Variants in CUZD1 observed in about 807,000 individuals in gnomAD.
CUZD1 encodes the protein CUB and zona pellucida like domains 1.
CUZD1 carries 42 observed loss-of-function variants against 53.1 expected under a neutral mutation model. The observed-to-expected ratio is 0.79, with a 90% CI of 0.62 to 1.02. The LOEUF (loss-of-function observed/expected upper bound fraction) is 1.02, where lower values mean the gene tolerates loss of function less well. Ranked by LOEUF, CUZD1 falls within the 50% of genes least tolerant of loss-of-function variation. The pLI, the probability that CUZD1 is intolerant of heterozygous loss-of-function variation, is 0.00. For missense variants in CUZD1, 670 were observed against 715.7 expected, an observed-to-expected ratio of 0.94 and a Z score of 0.73; for synonymous variants, 238 against 257.2, an observed-to-expected ratio of 0.93 and a Z score of 0.71.
At chr10:122,843,154 T>C (rs12219150) in intron 1 of CUZD1, among the ~76,000 whole-genome samples, 6 of 152,222 alleles carry the variant, frequency 3.9e-5, no homozygotes, top group Admixed American at 1.3e-4. Flanking sequence ...TAAAAACTTG[T>C]ATACTATATT....
intron 6 of CUZD1, 36 bp downstream of exon 6, chr10:122,836,142 A>T (rs145462190): frequency 5.1e-6 from 8 of 1,565,686 alleles, no homozygotes; most frequent in Non-Finnish European, 6.9e-6. Flanking sequence ...TGCACTCAGC[A>T]TTTGACAAAA....
intron 6 of CUZD1, 101 bp from the exon 7 acceptor site, chr10:122,835,198 A>G (rs1847230007): frequency 1.2e-6 from 1 of 857,154 alleles, no homozygotes; most frequent in Admixed American, 2.7e-5. Context: ...AATTTTCTTA[A>G]ATCACGAGGT....
intron 6 of CUZD1, among the ~76,000 whole-genome samples, chr10:122,835,803 A>G (rs571924549): frequency 6.6e-6 from 1 of 152,292 alleles, no homozygotes; most frequent in African/African-American, 2.4e-5. Flanking sequence ...CTTTAAAAGG[A>G]AAAGAAGAAG....
At position 122,836,358 on chromosome 10, in the gene CUZD1, G is replaced by GAAAA; in HGVS notation, c.818-12_818-9dup. On this transcript the variant is annotated splice_polypyrimidine_tract_variant and intron_variant, in intron 5 of 8. Transcript: ENST00000392790. ...AAGAGCAAGTTAAAGATGCTGTCAGGAAAAAAAAAAAAAAAAGAATGGTCA... is the reference window on the plus strand; with the variant it reads ...AAGAGCAAGTTAAAGATGCTGTCAGGAAAAAAAAAAAAAAAAAAAAGAATGGTCA... 1 of 1,208,630 alleles carries GAAAA rather than the reference G, an allele frequency of 8.3e-7. No homozygotes were observed. Among genetic ancestry groups the GAAAA allele is most frequent in the Non-Finnish European group, 1.1e-6 (1 of 919,680 alleles). The allele number at this position is 1,208,630 out of a possible 1,614,324, so 74.9% of individuals were successfully genotyped here. A position where few individuals can be genotyped will look rare whatever the true frequency, so the allele number is the denominator to read the frequency against.
At position 122,834,902 on chromosome 10, in the gene CUZD1, T is replaced by C; in HGVS notation, c.1186A>G (p.Ser396Gly). ...SQNALGKYNT[S>G]MALFESNSFE... Reference sequence around the variant, plus strand: ...GAATTGGATTCAAAAAGAGCCATGCTGGTGTTATATTTGCCCAGTGCATTT... The same window carrying C: ...GAATTGGATTCAAAAAGAGCCATGCCGGTGTTATATTTGCCCAGTGCATTT... The change falls in exon 7 of 9, where the codon AGC becomes GGC. Residue 396 changes from serine (S) to glycine (G), a missense_variant. Coordinates refer to ENST00000392790, the MANE Select transcript of CUZD1 (RefSeq NM_022034.6). The C allele has an allele frequency of 1.9e-6, 3 of 1,613,714 alleles. No homozygotes were observed. The highest frequency in any genetic ancestry group is 2.5e-6 in the Non-Finnish European group (3 of 1,179,694).
chr10:122,839,369 T>C (rs1031403528), intron 2 of CUZD1, 138 bp from the exon 3 acceptor site: 1 of 685,110 alleles, frequency 1.5e-6, no homozygotes, highest in Non-Finnish European at 2.5e-6. Context: ...CCAAGACCAA[T>C]CACCAACCCC....
intron 3 of CUZD1, 165 bp from the exon 4 acceptor site, chr10:122,837,719 T>C: frequency 1.6e-6 from 1 of 606,410 alleles, no homozygotes; most frequent in Non-Finnish European, 2.7e-6. Context: ...TCATTGAAAT[T>C]TCTGTCCACT....
chr10:122,839,005 A>C lies in CUZD1; in HGVS notation c.448+12T>G. The C allele has an allele frequency of 6.3e-7, 1 of 1,597,558 alleles. No individual in the cohort carries two copies. The highest frequency in any genetic ancestry group is 1.1e-5 in the South Asian group (1 of 90,648). ...GGAGATGTGGGTGAAGGTTGTGTAA[A>C]TGAGGACTTACAGATGTTAGGAGAG... is the stretch of plus-strand genomic sequence containing the variant. On this transcript the variant is annotated intron_variant, in intron 3 of 8. Transcript: ENST00000392790.
chr10:122,842,879 C>T (rs1394269261), intron 1 of CUZD1, among the ~76,000 whole-genome samples: 1 of 152,124 alleles, frequency 6.6e-6, no homozygotes, highest in African/African-American at 2.4e-5. Flanking sequence ...CATCATTAGT[C>T]ATCAGGGAAA....
At position 122,834,823 on chromosome 10, in the gene CUZD1, A is replaced by C; in HGVS notation, c.1265T>G (p.Leu422Arg). The C allele has an allele frequency of 2.5e-6, 4 of 1,613,886 alleles. No individual in the cohort carries two copies. The highest frequency in any genetic ancestry group is 1.3e-5 in the African/African-American group (1 of 75,040). The part of the protein sequence containing the change: ...SPYYVDLNQT[L>R]FVQVSLHTSD... The stretch of plus-strand genomic sequence containing the variant: ...GGTGTGCAGACTAACTTGAACAAAA[A>C]GAGTTTGGTTCAAATCCACATAATA... The change falls in exon 7 of 9, where the codon CTT becomes CGT. Residue 422 changes from leucine to arginine, a missense_variant. Transcript: ENST00000392790.
Position 122,833,759 on chromosome 10 carries a change from G to C in CUZD1, c.1564C>G (p.Arg522Gly). ...CNQGCVSRSK[R>G]DISSYKWKTD... Reference sequence around the variant, plus strand: ...TTCCATTTATATGAAGAAATGTCTCGTTTGCTTCTGGAGACACAACCTTGA... The same window carrying C: ...TTCCATTTATATGAAGAAATGTCTCCTTTGCTTCTGGAGACACAACCTTGA... The change falls in exon 8 of 9, where the codon CGA becomes GGA. Residue 522 changes from arginine to glycine, a missense_variant. Arg to Gly is a moderately radical substitution (Grantham distance 125). Transcript: ENST00000392790. 6.2e-7 allele frequency: 1 copy of C among 1,613,904 alleles called. No homozygotes were observed. The highest frequency in any genetic ancestry group is 8.5e-7 in the Non-Finnish European group (1 of 1,179,932).
chr10:122,841,307 C>T lies in CUZD1; in HGVS notation c.104G>A (p.Ser35Asn). 6.2e-7 allele frequency: 1 copy of T among 1,610,852 alleles called. No homozygotes were observed. The highest frequency in any genetic ancestry group is 1.3e-5 in the African/African-American group (1 of 74,846). ...EAEGNASCTV[S>N]LGGANMAETH... Reference sequence around the variant, plus strand: ...CTCTGCCATATTGGCACCCCCTAGACTGACTGTGCAGCTTGCATTGCCTGT... The same window carrying T: ...CTCTGCCATATTGGCACCCCCTAGATTGACTGTGCAGCTTGCATTGCCTGT... Residue 35 changes from serine (S) to asparagine (N), a missense_variant, in exon 2 of 9, where the codon AGT (serine) becomes AAT (asparagine). Coordinates refer to ENST00000392790, the MANE Select transcript of CUZD1 (RefSeq NM_022034.6).
At chr10:122,837,854 C>A (rs1847278088) in intron 3 of CUZD1, 1 of 237,616 alleles carries the variant, frequency 4.2e-6, no homozygotes, top group Non-Finnish European at 8.1e-6. Flanking sequence ...AATAAAGTCA[C>A]ACCCTCCCTT....
At chr10:122,845,354 C>T (rs1054483497) in intron 1 of CUZD1, among the ~76,000 whole-genome samples, 2 of 152,114 alleles carry the variant, frequency 1.3e-5, no homozygotes, top group East Asian at 1.9e-4. Flanking sequence ...GGATTACAGG[C>T]GTGAGCCACC....
Position 122,839,040 on chromosome 10 carries a change from T to C in CUZD1, c.425A>G (p.Tyr142Cys). The C allele has an allele frequency of 6.2e-7, 1 of 1,613,872 alleles. No individual in the cohort carries two copies. The highest frequency in any genetic ancestry group is 1.1e-5 in the South Asian group (1 of 91,070). The change falls in exon 3 of 9, where the codon TAC becomes TGC. Residue 142 changes from tyrosine (Y) to cysteine (C), a missense_variant. Tyr to Cys is a radical substitution (Grantham distance 194). Coordinates refer to ENST00000392790, the MANE Select transcript of CUZD1 (RefSeq NM_022034.6). ...ACAGATGTTAGGAGAGAAGAAGTAG[T>C]AGAAGACAAAGACAGTTCTTTGAAT... ...ARIQRTVFVF[Y>C]YFFSPNISIP...
intron 1 of CUZD1, among the ~76,000 whole-genome samples, chr10:122,842,349 G>T (rs554180305): frequency 3.2e-4 from 48 of 152,310 alleles, no homozygotes; most frequent in African/African-American, 1.1e-3. Context: ...GTGTCCAATT[G>T]TTCCAAGACC....
In CUZD1 at chr10:122,832,446, A is replaced by G; in HGVS notation, c.1656T>C (p.Phe552=). 1 of 1,612,444 alleles carries G rather than the reference A, an allele frequency of 6.2e-7. No individual in the cohort carries two copies. The highest frequency in any genetic ancestry group is 1.1e-5 in the South Asian group (1 of 90,814). ...RDRSASGNSG[F]QHETHAEETP... ...TTTCTTCCGCATGTGTTTCATGCTG[A>G]AATCCTAAAATTGGAAACAAGATGA... Residue 552 remains phenylalanine, a synonymous_variant, in exon 9 of 9, where the codon TTT becomes TTC. Coordinates refer to ENST00000392790, the MANE Select transcript of CUZD1 (RefSeq NM_022034.6).
rs772809609 is a variant in CUZD1 at position 122,833,900 on chromosome 10, CAAATA to C, written c.1418_1422del (p.Leu473TrpfsTer9). The C allele has an allele frequency of 3.1e-6, 5 of 1,613,244 alleles. No homozygotes were observed. The South Asian group carries it at 5.5e-5, about 18-fold the overall frequency. ...TTAAACTGGAATCTCCCATAGTGTCCAAATAAGGGATACACCTTACAAGTTTCATC... is the reference window on the plus strand; with the variant it reads ...TTAAACTGGAATCTCCCATAGTGTCCAGGGATACACCTTACAAGTTTCATC... On this transcript the variant is annotated frameshift_variant, in exon 8 of 9. Coordinates refer to ENST00000392790, the MANE Select transcript of CUZD1 (RefSeq NM_022034.6). LOFTEE classifies it high-confidence loss of function.
In CUZD1 at chr10:122,841,290, T is replaced by C. The variant is rs1167840726; in HGVS notation, c.121A>G (p.Met41Val). The change falls in exon 2 of 9, where the codon ATG becomes GTG. Residue 41 changes from methionine (M) to valine (V), a missense_variant. By Grantham distance (21) the Met-to-Val change is conservative. Coordinates refer to ENST00000392790, the MANE Select transcript of CUZD1 (RefSeq NM_022034.6). The part of the protein sequence containing the change: ...SCTVSLGGAN[M>V]AETHKAMILQ... ...ATCATGGCTTTGTGGGTCTCTGCCA[T>C]ATTGGCACCCCCTAGACTGACTGTG... 3.1e-6 allele frequency: 5 copies of C among 1,613,782 alleles called. No individual in the cohort carries two copies. Among genetic ancestry groups the C allele is most frequent in the African/African-American group, 2.7e-5 (2 of 74,918 alleles).
Sources: gnomAD v4.1 joint callset for allele counts (sites outside exome capture counted in the v4.1 genomes callset) on GRCh38, gnomAD v4.1.1 for gene constraint, MANE v1.5 for transcripts, NCBI Gene and HGNC (gene_info 2026-07-23, HGNC 2026-07-21) for gene names.